The following COMMD10 variants were observed in gnomAD, a reference collection of about 807,000 sequenced individuals.
The protein encoded by COMMD10 is COMM domain containing 10, also known as COMM domain-containing protein 10.
COMMD10 carries 33 observed loss-of-function variants against 28.9 expected under a neutral mutation model. The ratio of observed to expected loss-of-function variants is 1.14; its 90% CI spans 0.87 to 1.53. The LOEUF (loss-of-function observed/expected upper bound fraction) is 1.53. COMMD10 is among the 40% of genes most tolerant of loss of function. The pLI is 0.00. For missense variants in COMMD10, 310 were observed against 233.4 expected (o/e 1.33, Z -2.14); for synonymous variants, 110 against 81.7 (o/e 1.35, Z -1.87).
rs566802947 is a variant in COMMD10 at position 116,179,923 on chromosome 5, A to G, written c.510+45745A>G. Among the ~76,000 whole-genome samples the G allele has an allele frequency of 3.3e-5, 5 of 152,210 alleles. No individual in the cohort carries two copies. The South Asian group carries it at 1.0e-3, about 32-fold the overall frequency. On this transcript the variant is annotated intron_variant, in intron 5 of 6. Transcript: ENST00000274458. ...GAGATGGCAGTTTTCTATAGAAAAT[A>G]AAGGTAAGAAGAGTGTAGCAAGCAG...
intron 5 of COMMD10, among the ~76,000 whole-genome samples, chr5:116,265,925 T>G (rs568232727): frequency 1.3e-5 from 2 of 151,884 alleles, no homozygotes; most frequent in Admixed American, 6.6e-5. Context: ...AGAAAAGTGG[T>G]AATACATATT....
intron 5 of COMMD10, among the ~76,000 whole-genome samples, chr5:116,187,638 G>A (rs1290308938): frequency 1.3e-5 from 2 of 151,996 alleles, no homozygotes; most frequent in African/African-American, 2.4e-5. Flanking sequence ...ACATTTACAT[G>A]TAATATATTT....
chr5:116,257,266 C>T (rs1196148444), intron 5 of COMMD10, among the ~76,000 whole-genome samples: 2 of 151,522 alleles, frequency 1.3e-5, no homozygotes, highest in Non-Finnish European at 2.9e-5. Context: ...GATGTTGGAG[C>T]ATTTCAGATT....
chr5:116,231,157 A>G (rs958032670), intron 5 of COMMD10, among the ~76,000 whole-genome samples: 2 of 152,168 alleles, frequency 1.3e-5, no homozygotes, highest in Admixed American at 6.6e-5. Flanking sequence ...AGCTGATTCT[A>G]CATCCTATTG....
At chr5:116,152,269 A>T (rs1441351353) in intron 5 of COMMD10, among the ~76,000 whole-genome samples, 2 of 152,118 alleles carry the variant, frequency 1.3e-5, no homozygotes, top group East Asian at 3.9e-4. Context: ...GGAGAGCTTT[A>T]CTTAAATGAA....
intron 4 of COMMD10, among the ~76,000 whole-genome samples, chr5:116,096,061 T>C (rs1750457539): frequency 6.6e-6 from 1 of 152,114 alleles, no homozygotes; most frequent in Admixed American, 6.5e-5. Context: ...ACTTTTTTCT[T>C]CTTTTTTATA....
At chr5:116,191,334 T>G (rs985240947) in intron 5 of COMMD10, among the ~76,000 whole-genome samples, 5 of 151,866 alleles carry the variant, frequency 3.3e-5, no homozygotes, top group Non-Finnish European at 1.5e-5. Context: ...GAGGGCACAC[T>G]CAACAGGTGG....
intron 5 of COMMD10, among the ~76,000 whole-genome samples, chr5:116,189,050 A>C (rs1314466556): frequency 6.6e-6 from 1 of 152,164 alleles, no homozygotes; most frequent in Non-Finnish European, 1.5e-5. Context: ...TTGATGGCTC[A>C]TTGTATGTTA....
At chr5:116,150,964 TG>T (rs574946408) in intron 5 of COMMD10, among the ~76,000 whole-genome samples, 29 of 151,920 alleles carry the variant, frequency 1.9e-4, no homozygotes, top group African/African-American at 6.8e-4. Context: ...TTCCAGTTTT[TG>T]CCCATTCAGG....
intron 5 of COMMD10, among the ~76,000 whole-genome samples, chr5:116,166,369 A>G (rs1753098594): frequency 6.6e-6 from 1 of 152,192 alleles, no homozygotes; most frequent in Non-Finnish European, 1.5e-5. Context: ...GATAATTGGA[A>G]TTCTCCATAG....
intron 5 of COMMD10, among the ~76,000 whole-genome samples, chr5:116,253,096 C>CGGTT (rs1750168286): frequency 1.5e-5 from 1 of 67,592 alleles, no homozygotes; most frequent in Non-Finnish European, 4.7e-5. Context: ...ATTTGGCTCT[C>CGGTT]TGTCTGTTAT....
intron 5 of COMMD10, among the ~76,000 whole-genome samples, chr5:116,156,415 T>C (rs1752712341): frequency 6.6e-6 from 1 of 152,194 alleles, no homozygotes; most frequent in Non-Finnish European, 1.5e-5. Flanking sequence ...TAAAAGCATC[T>C]ATTACAGTAC....
intron 5 of COMMD10, among the ~76,000 whole-genome samples, chr5:116,192,707 G>A (rs1748401429): frequency 1.3e-5 from 2 of 152,188 alleles, no homozygotes; most frequent in Non-Finnish European, 2.9e-5. Flanking sequence ...TATTACTGAG[G>A]AAGAAGAGAT....
intron 5 of COMMD10, among the ~76,000 whole-genome samples, chr5:116,228,534 A>G (rs985389442): frequency 6.6e-6 from 1 of 151,960 alleles, no homozygotes; most frequent in Non-Finnish European, 1.5e-5. Flanking sequence ...TGCTTTAATT[A>G]ATAGTTTTGA....
chr5:116,134,992 G>T (rs1467828646), intron 5 of COMMD10, among the ~76,000 whole-genome samples: 1 of 152,122 alleles, frequency 6.6e-6, no homozygotes, highest in African/African-American at 2.4e-5. Flanking sequence ...GATTATTAAA[G>T]ATCAAAGCAT....
At chr5:116,260,115 C>T (rs1468375726) in intron 5 of COMMD10, among the ~76,000 whole-genome samples, 1 of 151,630 alleles carries the variant, frequency 6.6e-6, no homozygotes, top group African/African-American at 2.4e-5. Flanking sequence ...GTAAATGTGT[C>T]CTCATTGGCC....
intron 5 of COMMD10, among the ~76,000 whole-genome samples, chr5:116,180,182 G>T (rs1016950298): frequency 1.3e-4 from 20 of 152,056 alleles, no homozygotes; most frequent in African/African-American, 4.8e-4. Context: ...GAGACGCTTG[G>T]GTTACCTCTG....
intron 5 of COMMD10, among the ~76,000 whole-genome samples, chr5:116,264,625 C>T (rs1279160490): frequency 6.6e-6 from 1 of 151,900 alleles, no homozygotes; most frequent in Non-Finnish European, 1.5e-5. Context: ...ATAACAGACA[C>T]AGCACTGTGG....
chr5:116,213,506 A>G (rs1350738836), intron 5 of COMMD10, among the ~76,000 whole-genome samples: 2 of 152,164 alleles, frequency 1.3e-5, no homozygotes, highest in South Asian at 2.1e-4. Context: ...GAAACTCCTG[A>G]AATTGTCTGC....
Sources: gnomAD v4.1 joint callset for allele counts (sites outside exome capture counted in the v4.1 genomes callset) on GRCh38, gnomAD v4.1.1 for gene constraint, MANE v1.5 for transcripts, NCBI Gene and HGNC (gene_info 2026-07-23, HGNC 2026-07-21) for gene names.